The following IPO8 variants were observed in gnomAD, a reference collection of about 807,000 sequenced individuals.
IPO8 encodes the protein importin-8.
In IPO8, 65 loss-of-function variants were observed where a neutral mutation model predicts 141.2. The ratio of observed to expected loss-of-function variants is 0.46; its 90% CI spans 0.38 to 0.57. The LOEUF (loss-of-function observed/expected upper bound fraction) is 0.57. Ranked by LOEUF, IPO8 falls within the 20% of genes least tolerant of loss-of-function variation. IPO8 has a pLI of 0.00. For missense variants in IPO8, 980 were observed against 1,246.8 expected, an observed-to-expected ratio of 0.79 and a Z score of 3.22; for synonymous variants, 411 against 420.3, an observed-to-expected ratio of 0.98 and a Z score of 0.27.
intron 11 of IPO8, 33 bp from the exon 12 acceptor site, chr12:30,665,878 T>G: frequency 7.2e-7 from 1 of 1,389,082 alleles, no homozygotes; most frequent in Non-Finnish European, 1.0e-6. Flanking sequence ...TTAGTCTACA[T>G]GAACTTTCAT....
At chr12:30,643,515 T>G (rs898499251) in intron 20 of IPO8, among the ~76,000 whole-genome samples, 1 of 152,192 alleles carries the variant, frequency 6.6e-6, no homozygotes, top group Non-Finnish European at 1.5e-5. Context: ...ATGTTGAAAT[T>G]TGATCCCCAG....
intron 17 of IPO8, 129 bp from the exon 18 acceptor site, chr12:30,653,221 C>G: frequency 1.4e-6 from 1 of 720,650 alleles, no homozygotes; most frequent in Non-Finnish European, 2.2e-6. Flanking sequence ...TCATAAGCCT[C>G]CCTTTCTCAG....
chr12:30,676,768 T>A (rs536413188), intron 5 of IPO8, 181 bp from the exon 6 acceptor site: 2 of 807,186 alleles, frequency 2.5e-6, no homozygotes, highest in African/African-American at 3.5e-5. Flanking sequence ...CTTAAATTTT[T>A]AAATTTAGAA....
chr12:30,689,154 C>T (rs2053268924), intron 2 of IPO8, among the ~76,000 whole-genome samples: 1 of 152,030 alleles, frequency 6.6e-6, no homozygotes, highest in Non-Finnish European at 1.5e-5. Flanking sequence ...GAGAGCCACG[C>T]ATCAAAGCTG....
intron 17 of IPO8, 152 bp from the exon 18 acceptor site, chr12:30,653,244 C>T (rs1203208263): frequency 3.1e-5 from 20 of 640,472 alleles, no homozygotes; most frequent in Middle Eastern, 4.3e-4. Flanking sequence ...TTTGTATCTT[C>T]GGCTATGTAT....
At chr12:30,652,390 T>C in intron 18 of IPO8, 101 bp from the exon 19 acceptor site, 1 of 699,242 alleles carries the variant, frequency 1.4e-6, no homozygotes. Context: ...CATTAGTATC[T>C]TCCCATGCAA....
chr12:30,668,274 AAAT>A, intron 10 of IPO8, among the ~76,000 whole-genome samples: 1 of 152,230 alleles, frequency 6.6e-6, no homozygotes, highest in East Asian at 1.9e-4. Flanking sequence ...TTACTGAATC[AAAT>A]AATATAAACA....
In IPO8 at chr12:30,665,344, T is replaced by A. The variant is rs144494508; in HGVS notation, c.1339-35A>T. The A allele has an allele frequency of 6.2e-3, 7,281 of 1,177,532 alleles. 52 individuals carry two copies. The highest frequency in any genetic ancestry group is 0.053 in the Middle Eastern group (274 of 5,206). 72.9% of individuals were successfully genotyped at this position (1,177,532 alleles called of 1,614,324 possible). On this transcript the variant is annotated intron_variant, in intron 12 of 24. Coordinates refer to ENST00000256079, the MANE Select transcript of IPO8 (RefSeq NM_006390.4). ...AACAAATTTCAACTTATCAATTTCT[T>A]TTTCATACGTAAGAATCACTTCCTA...
chr12:30,674,003 A>T lies in IPO8; in HGVS notation c.896T>A (p.Val299Glu), dbSNP rs372272876. Residue 299 changes from valine to glutamate, a missense_variant, in exon 8 of 25, where the codon GTG becomes GAG. By Grantham distance (121) the Val-to-Glu change is moderately radical. Around this residue, in one of 3 missense-constraint regions of IPO8, gnomAD observed 924 missense variants for 1,153.9 expected, o/e 0.80. Transcript: ENST00000256079. Reference protein sequence around the residue: ...FSEFFLKTYAVGIQQVLLKIL... With the variant: ...FSEFFLKTYAEGIQQVLLKIL... The stretch of plus-strand genomic sequence containing the variant: ...TAAGTTTATTACCTGCTGAATGCCC[A>T]CTGCATAGGTTTTCAAAAAGAATTC... 180 of 1,575,148 alleles carry T rather than the reference A, an allele frequency of 1.1e-4. No homozygotes were observed. Among genetic ancestry groups the T allele is most frequent in the Non-Finnish European group, 1.5e-4 (178 of 1,151,604 alleles).
In IPO8 at chr12:30,661,170, T is replaced by C. The variant is rs998600274; in HGVS notation, c.1852A>G (p.Ile618Val). ...AMGILHTIDTILTVVEDHKEI... is the reference protein window; with the variant it reads ...AMGILHTIDTVLTVVEDHKEI... The stretch of plus-strand genomic sequence containing the variant: ...TTATGATCTTCTACAACTGTTAAGA[T>C]AGTATCAATGGTATGTAAAATTCCC... Residue 618 changes from isoleucine (I) to valine (V), a missense_variant, in exon 16 of 25, where the codon ATC (isoleucine) becomes GTC (valine). By Grantham distance (29) the Ile-to-Val change is conservative (BLOSUM62 3). Coordinates refer to ENST00000256079, the MANE Select transcript of IPO8 (RefSeq NM_006390.4). 9 of 1,586,200 alleles carry C rather than the reference T, an allele frequency of 5.7e-6. No homozygotes were observed. Among genetic ancestry groups the C allele is most frequent in the South Asian group, 1.1e-5 (1 of 87,654 alleles).
intron 20 of IPO8, 23 bp downstream of exon 20, chr12:30,649,114 G>T (rs749764276): frequency 6.7e-7 from 1 of 1,491,368 alleles, no homozygotes. Context: ...CCTCAAGTAA[G>T]GCACTTTCCA....
At chr12:30,663,093 G>A (rs2052911850) in intron 14 of IPO8, among the ~76,000 whole-genome samples, 2 of 152,096 alleles carry the variant, frequency 1.3e-5, no homozygotes, top group Admixed American at 1.3e-4. Context: ...TCAAAACTAG[G>A]GGAATCAGAA....
At chr12:30,631,052 G>T in intron 24 of IPO8, 95 bp from the exon 25 acceptor site, 1 of 782,500 alleles carries the variant, frequency 1.3e-6, no homozygotes, top group Non-Finnish European at 2.1e-6. Context: ...TTCTTTATAT[G>T]CTTAGAACTG....
chr12:30,659,506 A>AC (rs1555115357), intron 16 of IPO8, among the ~76,000 whole-genome samples: 11 of 142,166 alleles, frequency 7.7e-5, no homozygotes, highest in South Asian at 4.4e-4. Context: ...CAAATAAACA[A>AC]AAAAAAAAAA....
At position 30,695,774 on chromosome 12, in the gene IPO8, G is replaced by A; in HGVS notation, c.-127C>T. On this transcript the variant is annotated 5_prime_UTR_variant, in exon 1 of 25. It adds an upstream start codon to the 5' untranslated region. Transcript: ENST00000256079. This position sits in a 1 kb window ranked among gnomAD's most constrained non-coding sequence, Gnocchi z 4.2. ...ACCTCACACCCCACCCCCCGCCACC[G>A]TCGCCACCTGCGGCCACTTGCTGCG... The A allele has an allele frequency of 2.7e-6, 2 of 752,492 alleles. No individual in the cohort carries two copies. Among genetic ancestry groups the A allele is most frequent in the Non-Finnish European group, 4.0e-6 (2 of 502,046 alleles). The allele number at this position is 752,492 out of a possible 1,614,324, so 46.6% of individuals were successfully genotyped here. A position where few individuals can be genotyped will look rare whatever the true frequency, so the allele number is the denominator to read the frequency against.
At chr12:30,665,093 G>T in intron 13 of IPO8, 127 bp downstream of exon 13, 1 of 618,276 alleles carries the variant, frequency 1.6e-6, no homozygotes, top group South Asian at 2.1e-5. Flanking sequence ...GTGACCATAG[G>T]CAGACATTCT....
intron 10 of IPO8, 53 bp downstream of exon 10, chr12:30,669,130 T>C: frequency 1.4e-6 from 1 of 740,620 alleles, no homozygotes; most frequent in Non-Finnish European, 2.2e-6. Context: ...TAAATTTAGT[T>C]ATATTACTTT....
At chr12:30,655,083 TA>T (rs1238282026) in intron 17 of IPO8, among the ~76,000 whole-genome samples, 1 of 152,120 alleles carries the variant, frequency 6.6e-6, no homozygotes, top group Admixed American at 6.5e-5. Context: ...TTAAGTGAAA[TA>T]AGCCAAAACA....
intron 15 of IPO8, among the ~76,000 whole-genome samples, chr12:30,661,656 T>C (rs2052889931): frequency 6.7e-6 from 1 of 148,840 alleles, no homozygotes; most frequent in East Asian, 1.9e-4. Context: ...GAAAAGTTTT[T>C]AAAAAAATTA....
Sources: gnomAD v4.1 joint callset for allele counts (sites outside exome capture counted in the v4.1 genomes callset) on GRCh38, gnomAD v4.1.1 for gene constraint, gnomAD v4.1.1 regional missense constraint, Gnocchi (gnomAD v3.1) non-coding constraint, MANE v1.5 for transcripts, NCBI Gene and HGNC (gene_info 2026-07-23, HGNC 2026-07-21) for gene names.